Variants in KCND1 observed in about 807,000 individuals in gnomAD.
KCND1 encodes A-type voltage-gated potassium channel KCND1.
Under a neutral mutation model 31.8 loss-of-function variants are expected in KCND1, and 11 were observed. The observed-to-expected ratio is 0.35, with a 90% CI of 0.22 to 0.57. The LOEUF is 0.57. Among genes scored for constraint, KCND1 ranks in the 20% least tolerant of loss-of-function variants. The pLI is 0.85. For missense variants in KCND1, 471 were observed against 596.8 expected (o/e 0.79, Z 2.20); for synonymous variants, 234 against 248.1 (o/e 0.94, Z 0.53).
At chrX:48,966,373 C>A (rs2064353789) in intron 4 of KCND1, 68 bp from the exon 5 acceptor site, 4 of 1,130,990 alleles carry the variant, frequency 3.5e-6, no homozygotes, top group Non-Finnish European at 4.7e-6. Flanking sequence ...CAAGCCTTTG[C>A]TCAGGCTGTT....
At chrX:48,966,711 C>A in intron 3 of KCND1, 35 bp from the exon 4 acceptor site, 1 of 1,201,671 alleles carries the variant, frequency 8.3e-7, no homozygotes, top group Non-Finnish European at 1.1e-6. Context: ...AAGGGCAGCA[C>A]CTTCCTCCCC....
chrX:48,962,865 G>A (rs982936021), intron 5 of KCND1, 59 bp from the exon 6 acceptor site: 42 of 988,883 alleles, frequency 4.2e-5, no homozygotes, highest in East Asian at 2.0e-4. Flanking sequence ...GGCCGGGTGC[G>A]GTGGCTCATG....
intron 3 of KCND1, 42 bp from the exon 4 acceptor site, chrX:48,966,718 C>G: frequency 1.7e-6 from 2 of 1,201,504 alleles, no homozygotes; most frequent in Non-Finnish European, 2.3e-6. Context: ...GCACCTTCCT[C>G]CCCGTTATGG....
chrX:48,970,590 T>G lies in KCND1; in HGVS notation c.-319A>C. 4.3e-6 allele frequency: 1 copy of G among 232,328 alleles called. No homozygotes were observed. Among genetic ancestry groups the G allele is most frequent in the Non-Finnish European group, 7.6e-6 (1 of 131,876 alleles). 19.1% of individuals were successfully genotyped at this position (232,328 alleles called of 1,213,427 possible). A position where few individuals can be genotyped will look rare whatever the true frequency, so the allele number is the denominator to read the frequency against. The stretch of plus-strand genomic sequence containing the variant: ...GAGGGAGGGTTTAGAGAGACTGAGA[T>G]GATTCTAAAGGAGTCAGCCTGTGCC... On this transcript the variant is annotated 5_prime_UTR_variant, in exon 1 of 6. Coordinates refer to ENST00000218176, the MANE Select transcript of KCND1 (RefSeq NM_004979.6).
rs2064356528 is a variant in KCND1 at position 48,966,820 on chromosome X, A to G, written c.1309T>C (p.Leu437=). The G allele has an allele frequency of 1.7e-6, 2 of 1,206,862 alleles. No individual in the cohort carries two copies. Among genetic ancestry groups the G allele is most frequent in the East Asian group, 3.0e-5 (1 of 33,741 alleles). ...QQKVRLARIR[L]AKSGTTNAFL... The stretch of plus-strand genomic sequence containing the variant: ...GCATTGGTGGTACCACTCTTTGCCA[A>G]TCGGATCCTTGCCAAGCGCACCTTC... Residue 437 remains leucine (L), a synonymous_variant, in exon 3 of 6, where the codon TTG becomes CTG. Coordinates refer to ENST00000218176, the MANE Select transcript of KCND1 (RefSeq NM_004979.6).
rs1433883495 is a variant in KCND1, at chrX:48,961,538, A to T, written c.*1043T>A. ...GTCACCCAAGAGGGAGAAGAAAGGA[A>T]TATGTGAAAAGGAATTGTAGGGGAG... On this transcript the variant is annotated 3_prime_UTR_variant, in exon 6 of 6. Coordinates refer to ENST00000218176, the MANE Select transcript of KCND1 (RefSeq NM_004979.6). The T allele has an allele frequency of 8.9e-6, 1 of 112,720 alleles. No homozygotes were observed. The highest frequency in any genetic ancestry group is 1.9e-5 in the Non-Finnish European group (1 of 53,310). 9.3% of individuals were successfully genotyped at this position (112,720 alleles called of 1,213,427 possible). A position where few individuals can be genotyped will look rare whatever the true frequency, so the allele number is the denominator to read the frequency against.
intron 5 of KCND1, among the ~76,000 whole-genome samples, chrX:48,964,676 C>T (rs1317202087): frequency 1.0e-5 from 1 of 99,989 alleles, no homozygotes; most frequent in East Asian, 3.1e-4. Flanking sequence ...GCCGAGATCA[C>T]GCCACTGCAC....
Position 48,966,250 on chromosome X carries a change from G to T in KCND1, c.1523C>A (p.Pro508Gln). 8.4e-7 allele frequency: 1 copy of T among 1,196,466 alleles called. No individual in the cohort carries two copies. Among genetic ancestry groups the T allele is most frequent in the Non-Finnish European group, 1.1e-6 (1 of 888,941 alleles). Reference protein sequence around the residue: ...TFSEALGAVSPGGRTSRSTSV... With the variant: ...TFSEALGAVSQGGRTSRSTSV... ...GGTGCTACGGCTGGTGCGGCCACCC[G>T]GCGAGACGGCTCCCAGGGCTTCACT... Residue 508 changes from proline (P) to glutamine (Q), a missense_variant, in exon 5 of 6, where the codon CCG (proline) becomes CAG (glutamine). Coordinates refer to ENST00000218176, the MANE Select transcript of KCND1 (RefSeq NM_004979.6).
Position 48,966,953 on chromosome X carries a change from T to C in KCND1, c.1275A>G (p.Arg425=), listed in dbSNP as rs1474640144. ...YHQNQRADKR[R]AQQKVRLARI... is the part of the protein sequence containing the mutation. ...TGGAAAGTGCGGTTACCTGCTGTGC[T>C]CGGCGCTTGTCAGCCCGCTGGTTCT... Residue 425 remains arginine (R), a synonymous_variant, in exon 2 of 6, where the codon CGA becomes CGG. Transcript: ENST00000218176. 1 of 1,207,571 alleles carries C rather than the reference T, an allele frequency of 8.3e-7. No homozygotes were observed. Among genetic ancestry groups the C allele is most frequent in the African/African-American group, 1.8e-5 (1 of 56,440 alleles).
chrX:48,965,943 G>A (rs2064349772), intron 5 of KCND1, 112 bp downstream of exon 5: 2 of 802,879 alleles, frequency 2.5e-6, no homozygotes, highest in East Asian at 6.4e-5. Context: ...CCAGCATGGA[G>A]GGGTTTGGGT....
intron 1 of KCND1, among the ~76,000 whole-genome samples, chrX:48,968,590 G>A (rs1009546833): frequency 4.5e-5 from 5 of 111,787 alleles, no homozygotes; most frequent in Non-Finnish European, 9.4e-5. Flanking sequence ...TTTTACAGAG[G>A]GGAAAACTGA....
rs2064381654 is a variant in KCND1, at chrX:48,970,404, C to G, written c.-133G>C. On this transcript the variant is annotated 5_prime_UTR_variant, in exon 1 of 6. Transcript: ENST00000218176. Reference sequence around the variant, plus strand: ...GGAAACTGGGGGTGTCTAGAGAGGCCAAGAGGAACCAGGAGGAAGAACTAA... The same window carrying G: ...GGAAACTGGGGGTGTCTAGAGAGGCGAAGAGGAACCAGGAGGAAGAACTAA... 3.7e-6 allele frequency: 2 copies of G among 537,393 alleles called. No homozygotes were observed. Among genetic ancestry groups the G allele is most frequent in the East Asian group, 3.7e-5 (1 of 26,802 alleles). 44.3% of individuals were successfully genotyped at this position (537,393 alleles called of 1,213,427 possible). A position where few individuals can be genotyped will look rare whatever the true frequency, so the allele number is the denominator to read the frequency against.
Position 48,970,316 on chromosome X carries a change from T to C in KCND1, c.-45A>G. 8.8e-7 allele frequency: 1 copy of C among 1,130,462 alleles called. No individual in the cohort carries two copies. The highest frequency in any genetic ancestry group is 2.9e-5 in the Admixed American group (1 of 34,461). 93.2% of individuals were successfully genotyped at this position (1,130,462 alleles called of 1,213,427 possible). Reference sequence around the variant, plus strand: ...AGGGAGACTTAGTGAGGGTGGCGTTTAGGAGAATGTGGCTGTCTCCAGGAT... The same window carrying C: ...AGGGAGACTTAGTGAGGGTGGCGTTCAGGAGAATGTGGCTGTCTCCAGGAT... On this transcript the variant is annotated 5_prime_UTR_variant, in exon 1 of 6. Transcript: ENST00000218176.
rs782612449 is a variant in KCND1 at position 48,962,627 on chromosome X, C to A, written c.1898G>T (p.Gly633Val). Residue 633 changes from glycine (G) to valine (V), a missense_variant, in exon 6 of 6, where the codon GGT becomes GTT. By Grantham distance (109) the Gly-to-Val change is moderately radical (BLOSUM62 -3). Around this residue, in one of 3 missense-constraint regions of KCND1, gnomAD observed 185 missense variants for 184.7 expected, o/e 1.00. Transcript: ENST00000218176. ...AGTCTCGGGGAAGAGGCAAGGGGTA[C>A]CCAGGCTGGAGTTCCTGAGGGTGCT... is the stretch of plus-strand genomic sequence containing the variant. ...AGSTLRNSSL[G>V]TPCLFPETVK... is the part of the protein sequence containing the mutation. 5 of 1,210,008 alleles carry A rather than the reference C, an allele frequency of 4.1e-6. No individual in the cohort carries two copies. The South Asian group carries it at 8.8e-5, about 21-fold the overall frequency.
chrX:48,971,232 G>C lies in KCND1; in HGVS notation c.-961C>G, dbSNP rs782291408. On this transcript the variant is annotated 5_prime_UTR_variant, in exon 1 of 6. Coordinates refer to ENST00000218176, the MANE Select transcript of KCND1 (RefSeq NM_004979.6). Reference sequence around the variant, plus strand: ...GAAAAAGGGGCCTGGGGAATTCCAAGGGCCGGGACTCAAATGTTAGGAAGT... The same window carrying C: ...GAAAAAGGGGCCTGGGGAATTCCAACGGCCGGGACTCAAATGTTAGGAAGT... The C allele has an allele frequency of 9.1e-6, 1 of 110,467 alleles. No individual in the cohort carries two copies. Among genetic ancestry groups the C allele is most frequent in the Admixed American group, 9.6e-5 (1 of 10,430 alleles). The allele number at this position is 110,467 out of a possible 1,213,427, so 9.1% of individuals were successfully genotyped here.
In KCND1 at chrX:48,961,388, C is replaced by G. The variant is rs1439988046; in HGVS notation, c.*1193G>C. ...GGAGATACTCTCAGTCCTCATCTCT[C>G]CTCTCAGGTTTTATTGACTGATGGA... On this transcript the variant is annotated 3_prime_UTR_variant, in exon 6 of 6. Coordinates refer to ENST00000218176, the MANE Select transcript of KCND1 (RefSeq NM_004979.6). 1.8e-5 allele frequency: 2 copies of G among 112,209 alleles called. No individual in the cohort carries two copies. The highest frequency in any genetic ancestry group is 3.8e-5 in the Non-Finnish European group (2 of 53,272). The allele number at this position is 112,209 out of a possible 1,213,427, so 9.2% of individuals were successfully genotyped here.
At position 48,969,713 on chromosome X, in the gene KCND1, C is replaced by G; in HGVS notation, c.559G>C (p.Val187Leu). ...AAGAAGCCGGTCACATAGTAGAAAACGAGGGCTGCGGTGCTCGTGTGTGGA... is the reference window on the plus strand; with the variant it reads ...AAGAAGCCGGTCACATAGTAGAAAAGGAGGGCTGCGGTGCTCGTGTGTGGA... The part of the protein sequence containing the change: ...ENPHTSTAAL[V>L]FYYVTGFFIA... The change falls in exon 1 of 6, where the codon GTT becomes CTT. Residue 187 changes from valine (V) to leucine (L), a missense_variant. Transcript: ENST00000218176. 8.3e-7 allele frequency: 1 copy of G among 1,208,575 alleles called. No individual in the cohort carries two copies. The highest frequency in any genetic ancestry group is 1.1e-6 in the Non-Finnish European group (1 of 894,254).
Position 48,969,967 on chromosome X carries a change from C to T in KCND1, c.305G>A (p.Arg102Gln), listed in dbSNP as rs147541534. 1.9e-5 allele frequency: 23 copies of T among 1,211,222 alleles called. No individual in the cohort carries two copies. In the South Asian group the frequency reaches 3.0e-4, roughly 16 times the overall value. Residue 102 changes from arginine (R) to glutamine (Q), a missense_variant, in exon 1 of 6, where the codon CGG (arginine) becomes CAG (glutamine). Physicochemically the swap from Arg to Gln is conservative, Grantham distance 43 (BLOSUM62 1). This residue lies in a region of KCND1 where 212 missense variants were observed against 257.9 expected (regional missense o/e 0.82). Coordinates refer to ENST00000218176, the MANE Select transcript of KCND1 (RefSeq NM_004979.6). The part of the protein sequence containing the change: ...RHVLNFYRTG[R>Q]LHCPRQECIQ... ...GCACTCCTGCCGTGGGCAATGCAGCCGCCCCGTTCGGTAGAAGTTCAGCAC... is the reference window on the plus strand; with the variant it reads ...GCACTCCTGCCGTGGGCAATGCAGCTGCCCCGTTCGGTAGAAGTTCAGCAC...
chrX:48,965,927 A>G (rs2064349723), intron 5 of KCND1, 128 bp downstream of exon 5: 1 of 725,674 alleles, frequency 1.4e-6, no homozygotes, highest in Non-Finnish European at 2.0e-6. Flanking sequence ...AGATAAGCCC[A>G]AGCTTCCAGC....
Sources: gnomAD v4.1 joint callset for allele counts (sites outside exome capture counted in the v4.1 genomes callset) on GRCh38, gnomAD v4.1.1 for gene constraint, gnomAD v4.1.1 regional missense constraint, MANE v1.5 for transcripts, NCBI Gene and HGNC (gene_info 2026-07-23, HGNC 2026-07-21) for gene names.